C10orf90: variants seen among roughly 807,000 people sequenced by gnomAD.
The protein encoded by C10orf90 is chromosome 10 open reading frame 90, also known as (E2-independent) E3 ubiquitin-conjugating enzyme FATS.
In C10orf90, 56 loss-of-function variants were observed where a neutral mutation model predicts 62.5. That is an observed-to-expected ratio of 0.90 (90% CI 0.72 to 1.12). The LOEUF (loss-of-function observed/expected upper bound fraction) is 1.12, where lower values mean the gene tolerates loss of function less well. Among genes scored for constraint, C10orf90 ranks in the 50% most tolerant of loss-of-function variants. The probability of loss-of-function intolerance (pLI) is 0.00; values close to 1 mark genes in which losing one functional copy is unlikely to be tolerated. For synonymous variants in C10orf90, 386 were observed against 340.4 expected (o/e 1.13, Z -1.47); for missense variants, 970 against 880.4 (o/e 1.10, Z -1.29).
In C10orf90 at chr10:126,513,897, A is replaced by G; in HGVS notation, c.356T>C (p.Leu119Pro). ...TGTGACATCAGACTGGAGATTTTTAAGGGCAATTTGATCTCTTCTACTGTG... is the reference window on the plus strand; with the variant it reads ...TGTGACATCAGACTGGAGATTTTTAGGGGCAATTTGATCTCTTCTACTGTG... The part of the protein sequence containing the change: ...SYHSRRDQIA[L>P]KNLQSDVTEA... Residue 119 changes from leucine (L) to proline (P), a missense_variant, in exon 3 of 10, where the codon CTT (leucine) becomes CCT (proline). By Grantham distance (98) the Leu-to-Pro change is moderately conservative. Transcript: ENST00000488181. 6.2e-7 allele frequency: 1 copy of G among 1,613,404 alleles called. No individual in the cohort carries two copies. The highest frequency in any genetic ancestry group is 8.5e-7 in the Non-Finnish European group (1 of 1,179,484).
intron 2 of C10orf90, among the ~76,000 whole-genome samples, chr10:126,619,729 T>C (rs961806280): frequency 1.3e-5 from 2 of 152,160 alleles, no homozygotes; most frequent in Non-Finnish European, 2.9e-5. Flanking sequence ...AGCCTCAGCC[T>C]CCCAGGCTCA....
chr10:126,576,071 T>C (rs951936766), intron 2 of C10orf90, among the ~76,000 whole-genome samples: 5 of 151,874 alleles, frequency 3.3e-5, no homozygotes, highest in African/African-American at 1.2e-4. Flanking sequence ...AATCAATAAA[T>C]GGGATTATAC....
rs7085360 is a variant in C10orf90, at chr10:126,487,470, A to G, written c.1534+16487T>C. 3.2e-3 allele frequency among the ~76,000 whole-genome samples: 488 copies of G among 152,320 alleles called. 2 individuals carry two copies. The highest frequency in any genetic ancestry group is 0.011 in the African/African-American group (470 of 41,570). Reference sequence around the variant, plus strand: ...GCTGCCTTCTCCATAGCAATAGTGGAAGCCAAAGACACTAGGATATTTTCA... The same window carrying G: ...GCTGCCTTCTCCATAGCAATAGTGGGAGCCAAAGACACTAGGATATTTTCA... On this transcript the variant is annotated intron_variant, in intron 4 of 9. Transcript: ENST00000488181.
At chr10:126,492,421 T>C (rs1198828322) in intron 4 of C10orf90, among the ~76,000 whole-genome samples, 2 of 152,238 alleles carry the variant, frequency 1.3e-5, no homozygotes, top group Admixed American at 1.3e-4. Context: ...ATGTAAGATG[T>C]AAATGTTAAG....
rs1338780997 is a variant in C10orf90 at position 126,504,961 on chromosome 10, C to G, written c.530G>C (p.Arg177Pro). Residue 177 changes from arginine (R) to proline (P), a missense_variant, in exon 4 of 10, where the codon CGT becomes CCT. Arg to Pro is a moderately radical substitution (Grantham distance 103, BLOSUM62 -2). Transcript: ENST00000488181. This position sits in a 1 kb window ranked among gnomAD's most constrained non-coding sequence, Gnocchi z 4.1. Reference protein sequence around the residue: ...LPLPCAIAQSRAHHAKQSLAN... With the variant: ...LPLPCAIAQSPAHHAKQSLAN... The stretch of plus-strand genomic sequence containing the variant: ...CAGAGATTGCTTGGCGTGATGTGCA[C>G]GAGACTGAGCAATGGCACACGGTAG... The G allele has an allele frequency of 6.2e-7, 1 of 1,614,166 alleles. No homozygotes were observed.
intron 7 of C10orf90, among the ~76,000 whole-genome samples, chr10:126,431,594 G>A (rs1857571407): frequency 6.6e-6 from 1 of 152,120 alleles, no homozygotes; most frequent in South Asian, 2.1e-4. Context: ...TCCACTTAGG[G>A]AAAAGAAACC....
intron 4 of C10orf90, among the ~76,000 whole-genome samples, chr10:126,488,306 T>C (rs954128750): frequency 2.0e-4 from 31 of 152,084 alleles, no homozygotes; most frequent in African/African-American, 7.5e-4. Flanking sequence ...AAAGGGGATA[T>C]TTATGAGTAT....
intron 2 of C10orf90, among the ~76,000 whole-genome samples, chr10:126,634,980 G>A (rs1020521120): frequency 2.2e-4 from 34 of 152,194 alleles, no homozygotes; most frequent in Admixed American, 2.2e-3. Context: ...GGAAGTCCCT[G>A]ACCCCCAGTG....
At chr10:126,575,305 G>T (rs1189400286) in intron 2 of C10orf90, among the ~76,000 whole-genome samples, 1 of 151,744 alleles carries the variant, frequency 6.6e-6, no homozygotes, top group East Asian at 1.9e-4. Context: ...AAATCTAGAA[G>T]GTAATCCCAC....
intron 2 of C10orf90, among the ~76,000 whole-genome samples, chr10:126,623,448 C>T (rs144909067): frequency 2.5e-4 from 38 of 152,280 alleles, no homozygotes; most frequent in Non-Finnish European, 4.3e-4. Flanking sequence ...TAGTACACCC[C>T]GTTCCTTTCT....
At chr10:126,579,074 A>ATTTTT (rs1564880110) in intron 2 of C10orf90, among the ~76,000 whole-genome samples, 3 of 139,666 alleles carry the variant, frequency 2.1e-5, no homozygotes, top group African/African-American at 8.2e-5. Flanking sequence ...TTTTTTTTAA[A>ATTTTT]AAAAAAAACC....
intron 3 of C10orf90, among the ~76,000 whole-genome samples, chr10:126,511,107 A>C (rs750800199): frequency 1.1e-4 from 16 of 152,190 alleles, no homozygotes; most frequent in Non-Finnish European, 2.2e-4. Context: ...ATCTGGAGCC[A>C]TGGTCACTAG....
intron 2 of C10orf90, among the ~76,000 whole-genome samples, chr10:126,643,211 G>A (rs1055936044): frequency 6.6e-6 from 1 of 152,178 alleles, no homozygotes. Flanking sequence ...CCATTGAAAA[G>A]CTTTCTAAAA....
chr10:126,521,148 T>A, intron 2 of C10orf90: 1 of 763,646 alleles, frequency 1.3e-6, no homozygotes, highest in Non-Finnish European at 2.1e-6. Context: ...CTCCCCAAGT[T>A]GGCCCAGGTC....
At chr10:126,550,714 T>C (rs1864612525) in intron 2 of C10orf90, among the ~76,000 whole-genome samples, 1 of 152,116 alleles carries the variant, frequency 6.6e-6, no homozygotes, top group Non-Finnish European at 1.5e-5. Context: ...TTCACCATGT[T>C]GGCCAGGCTG....
intron 2 of C10orf90, among the ~76,000 whole-genome samples, chr10:126,573,211 C>A (rs766918139): frequency 3.3e-5 from 5 of 152,062 alleles, no homozygotes; most frequent in Admixed American, 6.5e-5. Flanking sequence ...AGCAAGCAGG[C>A]GGTACGTGAC....
At chr10:126,498,798 G>A (rs1862220812) in intron 4 of C10orf90, among the ~76,000 whole-genome samples, 1 of 152,184 alleles carries the variant, frequency 6.6e-6, no homozygotes. Context: ...ACCTTGAAGG[G>A]CCATCCCAGA....
chr10:126,442,627 G>C (rs1858448243), intron 7 of C10orf90, among the ~76,000 whole-genome samples: 1 of 93,388 alleles, frequency 1.1e-5, no homozygotes, highest in Non-Finnish European at 2.1e-5. Flanking sequence ...CTATTATTGT[G>C]TGTGTGTATA....
intron 4 of C10orf90, among the ~76,000 whole-genome samples, chr10:126,497,426 G>T (rs1291029787): frequency 2.0e-5 from 3 of 152,234 alleles, no homozygotes; most frequent in African/African-American, 7.2e-5. Context: ...GAGGCTGACA[G>T]CTCTTCCCTT....
Sources: gnomAD v4.1 joint callset for allele counts (sites outside exome capture counted in the v4.1 genomes callset) on GRCh38, gnomAD v4.1.1 for gene constraint, Gnocchi (gnomAD v3.1) non-coding constraint, MANE v1.5 for transcripts, NCBI Gene and HGNC (gene_info 2026-07-23, HGNC 2026-07-21) for gene names.